The following POLR3B variants were observed in gnomAD, a reference collection of about 807,000 sequenced individuals.
POLR3B encodes the protein DNA-directed RNA polymerase III subunit RPC2.
Under a neutral mutation model 147.4 loss-of-function variants are expected in POLR3B, and 96 were observed. The observed-to-expected ratio is 0.65, with a 90% CI of 0.55 to 0.77. POLR3B has a LOEUF of 0.77. Among genes scored for constraint, POLR3B ranks in the 30% least tolerant of loss-of-function variants. The probability of loss-of-function intolerance (pLI) is 0.00; values close to 1 mark genes in which losing one functional copy is unlikely to be tolerated. For missense variants in POLR3B, 1,036 were observed against 1,413.5 expected (o/e 0.73, Z 4.28); for synonymous variants, 461 against 485.9 (o/e 0.95, Z 0.67).
At chr12:106,398,368 A>G (rs984087958) in intron 10 of POLR3B, among the ~76,000 whole-genome samples, 2 of 152,244 alleles carry the variant, frequency 1.3e-5, no homozygotes, top group Non-Finnish European at 2.9e-5. Context: ...CCACAGCTCA[A>G]GGAGGCCTGC....
At chr12:106,437,266 T>C (rs1246748152) in intron 17 of POLR3B, 135 bp downstream of exon 17, 1 of 732,602 alleles carries the variant, frequency 1.4e-6, no homozygotes, top group Non-Finnish European at 2.4e-6. Flanking sequence ...TTTTGCTCCA[T>C]GTGAACTTGC....
intron 12 of POLR3B, among the ~76,000 whole-genome samples, chr12:106,421,039 C>T (rs1386687583): frequency 6.6e-6 from 1 of 151,930 alleles, no homozygotes. Flanking sequence ...GAAATAGATC[C>T]ATATACCGTA....
At chr12:106,416,575 G>A (rs1307109118) in intron 12 of POLR3B, among the ~76,000 whole-genome samples, 1 of 152,170 alleles carries the variant, frequency 6.6e-6, no homozygotes. Context: ...GCAGACCTGA[G>A]CTTCAGATGT....
At chr12:106,464,216 GCA>G (rs1442268310) in intron 23 of POLR3B, among the ~76,000 whole-genome samples, 2 of 152,126 alleles carry the variant, frequency 1.3e-5, no homozygotes, top group Non-Finnish European at 2.9e-5. Context: ...GATGGTTACT[GCA>G]CAGTTTTCAT....
At chr12:106,448,158 G>A (rs1345907830) in intron 19 of POLR3B, among the ~76,000 whole-genome samples, 1 of 151,914 alleles carries the variant, frequency 6.6e-6, no homozygotes, top group Non-Finnish European at 1.5e-5. Flanking sequence ...TTCTGCTATT[G>A]GTTAAAAGTT....
At chr12:106,495,825 A>G (rs1390919469) in intron 23 of POLR3B, 1 of 647,482 alleles carries the variant, frequency 1.5e-6, no homozygotes, top group Non-Finnish European at 2.8e-6. Flanking sequence ...ATTGTGTGCT[A>G]TGCCGGCAGC....
intron 19 of POLR3B, among the ~76,000 whole-genome samples, chr12:106,447,104 C>T (rs1018078656): frequency 2.4e-4 from 37 of 152,148 alleles, no homozygotes; most frequent in Admixed American, 3.9e-4. Context: ...TTCAGAGCTT[C>T]TATGTGGATT....
intron 18 of POLR3B, among the ~76,000 whole-genome samples, chr12:106,444,124 A>G (rs1205380614): frequency 6.6e-6 from 1 of 152,196 alleles, no homozygotes; most frequent in Non-Finnish European, 1.5e-5. Flanking sequence ...CTTGGCTAGT[A>G]ACTGTATTTA....
chr12:106,472,882 T>A (rs1371473627), intron 23 of POLR3B, among the ~76,000 whole-genome samples: 1 of 136,818 alleles, frequency 7.3e-6, no homozygotes, highest in African/African-American at 3.2e-5. Context: ...ATCCCATTTG[T>A]CAATTTTGGC....
At chr12:106,375,475 T>C (rs1181601018) in intron 6 of POLR3B, among the ~76,000 whole-genome samples, 1 of 152,222 alleles carries the variant, frequency 6.6e-6, no homozygotes, top group African/African-American at 2.4e-5. Context: ...GCTCTCTCTC[T>C]ATCCTTCCCT....
intron 23 of POLR3B, among the ~76,000 whole-genome samples, chr12:106,473,925 G>A (rs895157286): frequency 2.0e-5 from 3 of 151,336 alleles, no homozygotes; most frequent in African/African-American, 7.3e-5. Context: ...GTGAGAGAGG[G>A]CATCCCTGTC....
chr12:106,410,045 C>G (rs1250404090), intron 11 of POLR3B, among the ~76,000 whole-genome samples: 1 of 152,172 alleles, frequency 6.6e-6, no homozygotes, highest in Non-Finnish European at 1.5e-5. Context: ...TTCATCTGTT[C>G]ATTCATTCGG....
intron 1 of POLR3B, 141 bp from the exon 2 acceptor site, chr12:106,363,729 T>C: frequency 1.4e-6 from 1 of 728,280 alleles, no homozygotes. Flanking sequence ...TATGCACACA[T>C]GTGATTTCCA....
chr12:106,497,039 G>A lies in POLR3B; in HGVS notation c.2984+121G>A, dbSNP rs1405931490. On this transcript the variant is annotated intron_variant, in intron 25 of 27. Transcript: ENST00000228347. ...AGGCAAGCTTGTACAGCCCGTGGGC[G>A]GCATGTGGCCCAGGACGGCTTCGAA... 4.9e-5 allele frequency: 47 copies of A among 964,142 alleles called. No individual in the cohort carries two copies. In the Middle Eastern group the frequency reaches 1.0e-3, roughly 21 times the overall value. The allele number at this position is 964,142 out of a possible 1,614,324, so 59.7% of individuals were successfully genotyped here.
At chr12:106,498,564 T>C (rs1437142957) in intron 25 of POLR3B, among the ~76,000 whole-genome samples, 6 of 151,808 alleles carry the variant, frequency 4.0e-5, no homozygotes. Flanking sequence ...TGGGAGTTTT[T>C]TTTGTTTTTT....
At chr12:106,374,873 G>A (rs572687694) in intron 6 of POLR3B, among the ~76,000 whole-genome samples, 16 of 152,148 alleles carry the variant, frequency 1.1e-4, no homozygotes, top group South Asian at 2.1e-4. Context: ...TATGAAGTTC[G>A]CATTTGTTTA....
intron 26 of POLR3B, 147 bp from the exon 27 acceptor site, chr12:106,503,934 C>CA: frequency 2.8e-6 from 2 of 722,700 alleles, no homozygotes; most frequent in East Asian, 5.2e-5. Context: ...TGAGGCTAAG[C>CA]AGCGTGTCCA....
intron 16 of POLR3B, among the ~76,000 whole-genome samples, chr12:106,434,542 C>G (rs113409543): frequency 0.012 from 1,880 of 150,660 alleles, 21 homozygotes; most frequent in Middle Eastern, 0.031. Context: ...TATTAAGGGC[C>G]TATTGTGCAC....
intron 23 of POLR3B, among the ~76,000 whole-genome samples, chr12:106,473,183 G>T (rs1399874296): frequency 6.8e-4 from 39 of 57,648 alleles, no homozygotes; most frequent in South Asian, 2.5e-3. Flanking sequence ...TAGGTATGCG[G>T]CGTTATTTCT....
Sources: gnomAD v4.1 joint callset for allele counts (sites outside exome capture counted in the v4.1 genomes callset) on GRCh38, gnomAD v4.1.1 for gene constraint, MANE v1.5 for transcripts, NCBI Gene and HGNC (gene_info 2026-07-23, HGNC 2026-07-21) for gene names.